The following DOCK9 variants were observed in gnomAD, a reference collection of about 807,000 sequenced individuals.
The protein encoded by DOCK9 is dedicator of cytokinesis 9, also known as dedicator of cytokinesis protein 9.
In DOCK9, 89 loss-of-function variants were observed where a neutral mutation model predicts 263.3. The observed-to-expected ratio is 0.34, with a 90% CI of 0.28 to 0.40. The LOEUF is 0.40. Ranked by LOEUF, DOCK9 falls within the 10% of genes least tolerant of loss-of-function variation. DOCK9 has a pLI of 1.00. For synonymous variants in DOCK9, 976 were observed against 973.1 expected, an observed-to-expected ratio of 1.00 and a Z score of -0.06; for missense variants, 2,140 against 2,603.4, an observed-to-expected ratio of 0.82 and a Z score of 3.87.
At chr13:98,874,838 C>T (rs1475789786) in intron 27 of DOCK9, among the ~76,000 whole-genome samples, 6 of 152,064 alleles carry the variant, frequency 3.9e-5, no homozygotes, top group Non-Finnish European at 8.8e-5. Context: ...CCTACTGTAC[C>T]TCTCTAGGTC....
intron 1 of DOCK9, among the ~76,000 whole-genome samples, chr13:99,028,688 G>A (rs994021924): frequency 1.8e-4 from 28 of 152,088 alleles, no homozygotes; most frequent in Admixed American, 1.8e-3. Context: ...TTAAATTTAA[G>A]GAGAAATTAA....
intron 1 of DOCK9, among the ~76,000 whole-genome samples, chr13:98,959,827 T>C (rs1224389606): frequency 6.6e-6 from 1 of 152,242 alleles, no homozygotes; most frequent in African/African-American, 2.4e-5. Flanking sequence ...GTCACACCAC[T>C]GTATCTACCA....
chr13:98,874,173 G>A (rs548448409), intron 27 of DOCK9, among the ~76,000 whole-genome samples: 3 of 152,310 alleles, frequency 2.0e-5, no homozygotes, highest in Non-Finnish European at 2.9e-5. Context: ...GGGCAACCAC[G>A]GGGCTGCTCT....
chr13:98,897,354 G>T, intron 15 of DOCK9, 134 bp downstream of exon 15: 1 of 1,105,938 alleles, frequency 9.0e-7, no homozygotes, highest in Non-Finnish European at 1.3e-6. Flanking sequence ...AAGGGTTTGA[G>T]GAAATGCTTC....
At chr13:99,083,108 A>G (rs1206177543) in intron 1 of DOCK9, among the ~76,000 whole-genome samples, 1 of 152,114 alleles carries the variant, frequency 6.6e-6, no homozygotes, top group Non-Finnish European at 1.5e-5. Flanking sequence ...CACAAAAATC[A>G]GCTGGGCATG....
At chr13:98,818,754 T>G (rs9557080) in intron 45 of DOCK9, among the ~76,000 whole-genome samples, 54,070 of 151,896 alleles carry the variant, frequency 0.36, 11,077 homozygotes, top group East Asian at 0.67. Flanking sequence ...AATGTAATTA[T>G]CCAGGCCCAT....
chr13:98,937,819 T>A (rs2055142677), intron 2 of DOCK9, among the ~76,000 whole-genome samples: 1 of 152,034 alleles, frequency 6.6e-6, no homozygotes, highest in Non-Finnish European at 1.5e-5. Flanking sequence ...GAATGACAAA[T>A]TTCAAATAGA....
chr13:99,056,383 C>T (rs1240096100), intron 1 of DOCK9, among the ~76,000 whole-genome samples: 1 of 151,872 alleles, frequency 6.6e-6, no homozygotes, highest in Non-Finnish European at 1.5e-5. Context: ...AAAACATTAT[C>T]AAAGTAAGGT....
chr13:99,014,314 A>C (rs1257903152), intron 1 of DOCK9, among the ~76,000 whole-genome samples: 2 of 152,248 alleles, frequency 1.3e-5, no homozygotes, highest in African/African-American at 4.8e-5. Flanking sequence ...AGTTATTCGC[A>C]AAAGCATATT....
chr13:99,061,883 T>A (rs1261995660), intron 1 of DOCK9, among the ~76,000 whole-genome samples: 1 of 151,978 alleles, frequency 6.6e-6, no homozygotes, highest in Non-Finnish European at 1.5e-5. Context: ...GGTTTTGTTT[T>A]TTTTTTGAGA....
At chr13:98,834,958 GTGA>G in intron 39 of DOCK9, among the ~76,000 whole-genome samples, 1 of 152,296 alleles carries the variant, frequency 6.6e-6, no homozygotes, top group Middle Eastern at 3.4e-3. Context: ...CAGTTGTGTA[GTGA>G]TCTTGGGCAA....
rs759586261 is a variant in DOCK9, at chr13:98,975,361, C to CAA, written c.126+2421_126+2422dup. 3.7e-3 allele frequency among the ~76,000 whole-genome samples: 460 copies of CAA among 123,286 alleles called. 2 individuals are homozygous for CAA. The highest frequency in any genetic ancestry group is 0.013 in the African/African-American group (430 of 33,884). The allele number at this position is 123,286 out of a possible 152,430, so 80.9% of individuals were successfully genotyped here. A position where few individuals can be genotyped will look rare whatever the true frequency, so the allele number is the denominator to read the frequency against. Reference sequence around the variant, plus strand: ...TGGATGACAGAGTAAGACTTTGTCTCAAAAAAAAAAAAAGGCATAAATCCA... The same window carrying CAA: ...TGGATGACAGAGTAAGACTTTGTCTCAAAAAAAAAAAAAAAGGCATAAATCCA... On this transcript the variant is annotated intron_variant, in intron 1 of 52. Coordinates refer to ENST00000682017, the MANE Select transcript of DOCK9 (RefSeq NM_001366683.2).
At chr13:98,813,844 T>C (rs1362292962) in intron 45 of DOCK9, among the ~76,000 whole-genome samples, 3 of 152,244 alleles carry the variant, frequency 2.0e-5, no homozygotes, top group Admixed American at 6.5e-5. Context: ...TTTCTCCATG[T>C]TGGTCAGGCT....
intron 1 of DOCK9, among the ~76,000 whole-genome samples, chr13:99,035,167 T>A (rs117993879): frequency 0.013 from 1,992 of 152,292 alleles, 15 homozygotes; most frequent in Non-Finnish European, 0.021. Context: ...TTCAATAACA[T>A]TAATTATGAA....
intron 25 of DOCK9, among the ~76,000 whole-genome samples, chr13:98,881,195 G>A (rs1299878842): frequency 2.0e-5 from 3 of 151,918 alleles, no homozygotes; most frequent in Non-Finnish European, 4.4e-5. Context: ...TCCTATCTGG[G>A]AGGAGCAGTT....
intron 5 of DOCK9, 55 bp from the exon 6 acceptor site, chr13:98,922,201 T>C: frequency 5.0e-6 from 7 of 1,397,592 alleles, no homozygotes; most frequent in Non-Finnish European, 4.9e-6. Context: ...CTGGGTTGCT[T>C]GCTGTGAGTT....
At chr13:98,894,302 A>G (rs182899787) in intron 15 of DOCK9, among the ~76,000 whole-genome samples, 41 of 152,328 alleles carry the variant, frequency 2.7e-4, no homozygotes, top group Admixed American at 1.0e-3. Flanking sequence ...AAGTTCATAT[A>G]AAAATGACAG....
At chr13:98,862,256 G>A (rs759536489) in intron 32 of DOCK9, among the ~76,000 whole-genome samples, 4 of 152,202 alleles carry the variant, frequency 2.6e-5, no homozygotes, top group Middle Eastern at 3.4e-3. Flanking sequence ...ATAGTGTCCC[G>A]CAATAAATTC....
intron 1 of DOCK9, among the ~76,000 whole-genome samples, chr13:98,998,423 G>C (rs995035565): frequency 6.6e-6 from 1 of 152,154 alleles, no homozygotes; most frequent in Non-Finnish European, 1.5e-5. Context: ...TGGAGCACTC[G>C]AAAATCCTTT....
Sources: gnomAD v4.1 joint callset for allele counts (sites outside exome capture counted in the v4.1 genomes callset) on GRCh38, gnomAD v4.1.1 for gene constraint, MANE v1.5 for transcripts, NCBI Gene and HGNC (gene_info 2026-07-23, HGNC 2026-07-21) for gene names.